UNC5C: variants seen among roughly 807,000 people sequenced by gnomAD.
UNC5C encodes netrin receptor UNC5C.
A neutral mutation model predicts 99.8 loss-of-function variants in UNC5C; 47 were observed. The observed-to-expected ratio is 0.47, with a 90% CI of 0.37 to 0.60. The LOEUF (loss-of-function observed/expected upper bound fraction) is 0.60, where lower values mean the gene tolerates loss of function less well. Ranked by LOEUF, UNC5C falls within the 20% of genes least tolerant of loss-of-function variation. The pLI is 0.00. For synonymous variants in UNC5C, 487 were observed against 452.2 expected, an observed-to-expected ratio of 1.08 and a Z score of -0.98; for missense variants, 1,062 against 1,165.9, an observed-to-expected ratio of 0.91 and a Z score of 1.30.
Position 95,255,367 on chromosome 4 carries a change from G to A in UNC5C, c.595-4700C>T, listed in dbSNP as rs538007616. 2.6e-5 allele frequency among the ~76,000 whole-genome samples: 4 copies of A among 152,012 alleles called. No homozygotes were observed. In the East Asian group the frequency reaches 7.7e-4, roughly 29 times the overall value. On this transcript the variant is annotated intron_variant, in intron 4 of 15. Transcript: ENST00000453304. ...TAAAATTCATAACAGATCACAAGTG[G>A]GCCTTTATTTCTGCCAAGAAAGCAC...
At chr4:95,207,954 A>C (rs1737940929) in intron 10 of UNC5C, among the ~76,000 whole-genome samples, 1 of 152,146 alleles carries the variant, frequency 6.6e-6, no homozygotes, top group Admixed American at 6.6e-5. Flanking sequence ...ATATTTGGAG[A>C]TCATTATGAT....
At chr4:95,238,004 C>T (rs1262527533) in intron 7 of UNC5C, among the ~76,000 whole-genome samples, 3 of 151,996 alleles carry the variant, frequency 2.0e-5, no homozygotes, top group East Asian at 1.9e-4. Flanking sequence ...TGCAACTGCA[C>T]TCCAGCCTGG....
chr4:95,290,661 T>TTGTTA (rs1203752239), intron 3 of UNC5C, among the ~76,000 whole-genome samples: 2 of 152,206 alleles, frequency 1.3e-5, no homozygotes, highest in African/African-American at 4.8e-5. Flanking sequence ...ACAAGGGTCT[T>TTGTTA]ATAACAGAGT....
intron 2 of UNC5C, among the ~76,000 whole-genome samples, chr4:95,330,103 G>A (rs1348902733): frequency 2.0e-5 from 3 of 151,886 alleles, no homozygotes; most frequent in Non-Finnish European, 4.4e-5. Flanking sequence ...TTACATTCTA[G>A]GTAATGTAAT....
intron 1 of UNC5C, among the ~76,000 whole-genome samples, chr4:95,372,299 G>C (rs116620315): frequency 7.9e-5 from 12 of 152,198 alleles, no homozygotes; most frequent in South Asian, 6.2e-4. Context: ...AAATTTTATA[G>C]GCTACATTAC....
intron 9 of UNC5C, among the ~76,000 whole-genome samples, chr4:95,217,526 C>T (rs1738293960): frequency 6.6e-6 from 1 of 152,076 alleles, no homozygotes; most frequent in Non-Finnish European, 1.5e-5. Context: ...AGGGATGAAA[C>T]AGCATTATGA....
intron 1 of UNC5C, among the ~76,000 whole-genome samples, chr4:95,523,985 C>A (rs906586841): frequency 6.6e-6 from 1 of 152,006 alleles, no homozygotes; most frequent in Non-Finnish European, 1.5e-5. Context: ...GTTTAATGCA[C>A]GAGAGAAGTG....
At chr4:95,237,436 T>A (rs1480817303) in intron 7 of UNC5C, among the ~76,000 whole-genome samples, 4 of 152,192 alleles carry the variant, frequency 2.6e-5, no homozygotes, top group Non-Finnish European at 5.9e-5. Context: ...CTTTAAAGTA[T>A]TCATTAGTTT....
chr4:95,242,390 A>AGGG, intron 7 of UNC5C, 39 bp downstream of exon 7: 1 of 1,612,228 alleles, frequency 6.2e-7, no homozygotes, highest in South Asian at 1.1e-5. Context: ...TTCAATCTCC[A>AGGG]GCCCCCTCAA....
intron 3 of UNC5C, among the ~76,000 whole-genome samples, chr4:95,280,766 A>G (rs756051706): frequency 2.0e-5 from 3 of 152,190 alleles, no homozygotes; most frequent in Non-Finnish European, 4.4e-5. Context: ...TATCTAAACC[A>G]TGTCATTATC....
At chr4:95,179,447 TTAAAG>T (rs1241139619) in intron 14 of UNC5C, among the ~76,000 whole-genome samples, 40 of 152,192 alleles carry the variant, frequency 2.6e-4, no homozygotes, top group African/African-American at 9.2e-4. Flanking sequence ...AAATCTATTA[TTAAAG>T]TAAAGTAGAT....
chr4:95,478,632 C>A (rs1224293694), intron 1 of UNC5C, among the ~76,000 whole-genome samples: 2 of 151,968 alleles, frequency 1.3e-5, no homozygotes, highest in African/African-American at 4.8e-5. Flanking sequence ...TAGAGTGACT[C>A]TTCTTTAATC....
At position 95,350,453 on chromosome 4, in the gene UNC5C, T is replaced by C. The variant is rs1485568011; in HGVS notation, c.125-14822A>G. Among the ~76,000 whole-genome samples, 5 of 149,950 alleles carry C rather than the reference T, an allele frequency of 3.3e-5. No individual in the cohort carries two copies. The Admixed American group carries it at 3.4e-4, about 10-fold the overall frequency. ...AGTGAGCTGAGATCGTGCCACTACA[T>C]TCCAGCCTGGTAACAGAGCAAGACT... is the stretch of plus-strand genomic sequence containing the variant. On this transcript the variant is annotated intron_variant, in intron 1 of 15. Transcript: ENST00000453304.
Position 95,467,523 on chromosome 4 carries a change from T to C in UNC5C, c.124+81211A>G, listed in dbSNP as rs180920215. ...CAATCATCATTATGTGGCAACATTT[T>C]CTGTAGTTAATGAAAATTACTACAT... On this transcript the variant is annotated intron_variant, in intron 1 of 15. Coordinates refer to ENST00000453304, the MANE Select transcript of UNC5C (RefSeq NM_003728.4). Among the ~76,000 whole-genome samples the C allele has an allele frequency of 2.0e-5, 3 of 152,224 alleles. No individual in the cohort carries two copies. In the South Asian group the frequency reaches 6.2e-4, roughly 32 times the overall value.
At chr4:95,424,547 C>CTTTT (rs1746416878) in intron 1 of UNC5C, among the ~76,000 whole-genome samples, 1 of 63,348 alleles carries the variant, frequency 1.6e-5, no homozygotes, top group African/African-American at 7.0e-5. Context: ...TTTGAGACAG[C>CTTTT]TTCTTGCTCT....
intron 1 of UNC5C, among the ~76,000 whole-genome samples, chr4:95,429,766 T>G (rs372347599): frequency 6.6e-6 from 1 of 152,010 alleles, no homozygotes; most frequent in Non-Finnish European, 1.5e-5. Flanking sequence ...TAAGCACATA[T>G]TGAAATACAC....
At chr4:95,280,872 T>C (rs931108298) in intron 3 of UNC5C, among the ~76,000 whole-genome samples, 1 of 145,292 alleles carries the variant, frequency 6.9e-6, no homozygotes, top group Non-Finnish European at 1.5e-5. Flanking sequence ...TTTTCTACAT[T>C]TTGCCACCCC....
intron 1 of UNC5C, among the ~76,000 whole-genome samples, chr4:95,482,537 C>T (rs1721192102): frequency 6.7e-6 from 1 of 149,164 alleles, no homozygotes. Context: ...ATAAATCATG[C>T]TGCTATAAAG....
chr4:95,442,896 G>A (rs928670505), intron 1 of UNC5C, among the ~76,000 whole-genome samples: 3 of 151,932 alleles, frequency 2.0e-5, no homozygotes, highest in Non-Finnish European at 4.4e-5. Flanking sequence ...GCTTCTTCTT[G>A]TATTATTTAT....
Sources: allele counts gnomAD v4.1 joint callset (sites outside exome capture counted in the v4.1 genomes callset), GRCh38; gene constraint gnomAD v4.1.1; transcripts MANE v1.5; gene names NCBI Gene and HGNC (gene_info 2026-07-23, HGNC 2026-07-21).